The following EYA2 variants were observed in gnomAD, a reference collection of about 807,000 sequenced individuals.
EYA2 encodes protein phosphatase EYA2.
Under a neutral mutation model 69.2 loss-of-function variants are expected in EYA2, and 31 were observed. The ratio of observed to expected loss-of-function variants is 0.45; its 90% CI spans 0.34 to 0.60. EYA2 has a LOEUF of 0.60. EYA2 is among the 20% of genes least tolerant of loss of function. EYA2 has a pLI of 0.02. For synonymous variants in EYA2, 257 were observed against 279.4 expected (o/e 0.92, Z 0.80); for missense variants, 622 against 701.2 (o/e 0.89, Z 1.28).
intron 5 of EYA2, among the ~76,000 whole-genome samples, chr20:47,067,844 C>T (rs756208013): frequency 6.6e-6 from 1 of 152,078 alleles, no homozygotes; most frequent in Non-Finnish European, 1.5e-5. Context: ...TTCCTTCATT[C>T]GAGGATGTCT....
chr20:47,142,100 A>G (rs1289909071), intron 9 of EYA2, among the ~76,000 whole-genome samples: 1 of 152,250 alleles, frequency 6.6e-6, no homozygotes, highest in South Asian at 2.1e-4. Context: ...TGTGGGACAC[A>G]CAGTCTACTC....
intron 5 of EYA2, among the ~76,000 whole-genome samples, chr20:47,017,496 AT>A (rs1168350858): frequency 6.6e-6 from 1 of 152,188 alleles, no homozygotes; most frequent in Non-Finnish European, 1.5e-5. Context: ...TATTATTTTA[AT>A]TTTTTATTAA....
intron 1 of EYA2, among the ~76,000 whole-genome samples, chr20:46,962,232 GC>G (rs1568689659): frequency 6.6e-6 from 1 of 152,088 alleles, no homozygotes; most frequent in Non-Finnish European, 1.5e-5. Flanking sequence ...TTGCTATGTT[GC>G]CCAGGCTGGT....
chr20:47,168,585 G>A (rs2034254442), intron 10 of EYA2, among the ~76,000 whole-genome samples: 1 of 151,796 alleles, frequency 6.6e-6, no homozygotes. Context: ...GGCAAGCCCT[G>A]GGGATAGTGC....
intron 10 of EYA2, among the ~76,000 whole-genome samples, chr20:47,152,131 C>T (rs2033834814): frequency 6.6e-6 from 1 of 151,994 alleles, no homozygotes; most frequent in African/African-American, 2.4e-5. Context: ...TAATTCTCAC[C>T]TCCTATTTTA....
intron 1 of EYA2, among the ~76,000 whole-genome samples, chr20:46,942,566 G>A (rs1986202360): frequency 1.3e-5 from 2 of 152,196 alleles, no homozygotes; most frequent in South Asian, 4.1e-4. Flanking sequence ...GAGTTATGCA[G>A]ATGTGACTTA....
intron 7 of EYA2, among the ~76,000 whole-genome samples, chr20:47,075,816 A>G (rs1311842548): frequency 6.6e-6 from 1 of 152,170 alleles, no homozygotes; most frequent in Non-Finnish European, 1.5e-5. Flanking sequence ...AATCAGCACA[A>G]TACCCACTAG....
At chr20:47,094,189 T>C (rs1409529496) in intron 8 of EYA2, among the ~76,000 whole-genome samples, 2 of 152,208 alleles carry the variant, frequency 1.3e-5, no homozygotes, top group African/African-American at 4.8e-5. Context: ...ATGGATAAAG[T>C]AAGGGAGCCT....
At chr20:47,071,336 A>G (rs1016106338) in intron 5 of EYA2, among the ~76,000 whole-genome samples, 4 of 152,084 alleles carry the variant, frequency 2.6e-5, no homozygotes, top group African/African-American at 9.7e-5. Context: ...TAGAGACAAC[A>G]TCTCACTATG....
At chr20:47,023,898 A>G (rs2868863) in intron 5 of EYA2, among the ~76,000 whole-genome samples, 82,384 of 152,042 alleles carry the variant, frequency 0.54, 26,140 homozygotes, top group Non-Finnish European at 0.73. Context: ...TCAGCCTCCC[A>G]AAGTGCTAGT....
chr20:47,132,384 C>CT (rs1190961660), intron 9 of EYA2, among the ~76,000 whole-genome samples: 1 of 152,224 alleles, frequency 6.6e-6, no homozygotes, highest in African/African-American at 2.4e-5. Context: ...ACAGGTTAAA[C>CT]TATCGCATGG....
At chr20:47,017,863 G>A (rs1983505692) in intron 5 of EYA2, among the ~76,000 whole-genome samples, 1 of 152,206 alleles carries the variant, frequency 6.6e-6, no homozygotes, top group South Asian at 2.1e-4. Flanking sequence ...TTTATTGTAA[G>A]CATAATGGCA....
intron 1 of EYA2, among the ~76,000 whole-genome samples, chr20:46,931,741 GT>G (rs1985679252): frequency 6.6e-6 from 1 of 152,090 alleles, no homozygotes; most frequent in Non-Finnish European, 1.5e-5. Flanking sequence ...AAGCCCAGGG[GT>G]TGTAATTCAT....
chr20:47,028,369 C>G (rs1568732975), intron 5 of EYA2, among the ~76,000 whole-genome samples: 1 of 152,248 alleles, frequency 6.6e-6, no homozygotes, highest in African/African-American at 2.4e-5. Flanking sequence ...AATGGAAAAG[C>G]TAATATCCTG....
At chr20:47,047,701 G>A (rs1224902264) in intron 5 of EYA2, among the ~76,000 whole-genome samples, 1 of 151,922 alleles carries the variant, frequency 6.6e-6, no homozygotes, top group Non-Finnish European at 1.5e-5. Context: ...TCTCATTTTT[G>A]TTAGGGACAA....
At chr20:47,186,429 A>C (rs1424553718) in intron 15 of EYA2, among the ~76,000 whole-genome samples, 1 of 133,572 alleles carries the variant, frequency 7.5e-6, no homozygotes, top group Non-Finnish European at 1.5e-5. Context: ...GCATGATCTC[A>C]ACTCACTGCA....
chr20:47,076,263 G>A (rs2031513006), intron 7 of EYA2, among the ~76,000 whole-genome samples: 1 of 152,184 alleles, frequency 6.6e-6, no homozygotes, highest in African/African-American at 2.4e-5. Context: ...TTCATTTTAA[G>A]TTCCTTGAGA....
At chr20:47,158,943 TAATAA>T (rs1166299399) in intron 10 of EYA2, among the ~76,000 whole-genome samples, 3 of 151,958 alleles carry the variant, frequency 2.0e-5, no homozygotes, top group Admixed American at 6.6e-5. Context: ...AAAGCTGGAA[TAATAA>T]AATAAATAAT....
intron 1 of EYA2, among the ~76,000 whole-genome samples, chr20:46,932,961 G>C (rs2146253459): frequency 6.6e-6 from 1 of 152,264 alleles, no homozygotes; most frequent in East Asian, 1.9e-4. Flanking sequence ...CACTGTGTAA[G>C]ATGTGTCTTG....
Sources: gnomAD v4.1 joint callset for allele counts (sites outside exome capture counted in the v4.1 genomes callset) on GRCh38, gnomAD v4.1.1 for gene constraint, MANE v1.5 for transcripts, NCBI Gene and HGNC (gene_info 2026-07-23, HGNC 2026-07-21) for gene names.